EML6: variants seen among roughly 807,000 people sequenced by gnomAD.
The protein encoded by EML6 is echinoderm microtubule-associated protein-like 6.
In EML6, 154 loss-of-function variants were observed where a neutral mutation model predicts 240.1. The ratio of observed to expected loss-of-function variants is 0.64; its 90% CI spans 0.56 to 0.73. The LOEUF (loss-of-function observed/expected upper bound fraction) is 0.73. Among genes scored for constraint, EML6 ranks in the 30% least tolerant of loss-of-function variants. The pLI, the probability that EML6 is intolerant of heterozygous loss-of-function variation, is 0.00. For missense variants in EML6, 2,964 were observed against 2,474.6 expected, an observed-to-expected ratio of 1.20 and a Z score of -4.20; for synonymous variants, 1,148 against 899.0, an observed-to-expected ratio of 1.28 and a Z score of -4.95.
chr2:54,787,887 A>G (rs13000120), intron 2 of EML6, among the ~76,000 whole-genome samples: 32,091 of 151,744 alleles, frequency 0.21, 3,762 homozygotes, highest in Middle Eastern at 0.31. Flanking sequence ...GTTATTTGAA[A>G]CCCGGTTGTA....
At chr2:54,845,364 AC>A (rs1437965504) in intron 8 of EML6, among the ~76,000 whole-genome samples, 1 of 152,196 alleles carries the variant, frequency 6.6e-6, no homozygotes, top group Admixed American at 6.5e-5. Context: ...TGAAACTCAT[AC>A]CCATCCAGAA....
At chr2:54,907,984 GATA>G (rs1249724323) in intron 24 of EML6, among the ~76,000 whole-genome samples, 10 of 131,866 alleles carry the variant, frequency 7.6e-5, no homozygotes, top group Admixed American at 6.2e-4. Context: ...TAGATAGATA[GATA>G]GATAGATAGA....
chr2:54,800,596 A>T (rs1670083275), intron 2 of EML6, among the ~76,000 whole-genome samples: 1 of 152,174 alleles, frequency 6.6e-6, no homozygotes, highest in Admixed American at 6.5e-5. Context: ...GGCACCCTCC[A>T]GCATGGTGAA....
chr2:54,869,581 A>T (rs1671146943), intron 15 of EML6, among the ~76,000 whole-genome samples: 1 of 152,168 alleles, frequency 6.6e-6, no homozygotes, highest in African/African-American at 2.4e-5. Context: ...CTTTTCCTGG[A>T]ATGATGAGAT....
intron 2 of EML6, among the ~76,000 whole-genome samples, chr2:54,791,169 G>C (rs1008083335): frequency 4.6e-5 from 7 of 152,314 alleles, no homozygotes; most frequent in Admixed American, 3.9e-4. Flanking sequence ...AGGACGTGTA[G>C]GGTTTTCAGC....
At chr2:54,863,506 C>T (rs1670793744) in intron 12 of EML6, among the ~76,000 whole-genome samples, 1 of 151,964 alleles carries the variant, frequency 6.6e-6, no homozygotes, top group African/African-American at 2.4e-5. Flanking sequence ...AGGAGACAGA[C>T]CCTGTCTCAA....
intron 17 of EML6, among the ~76,000 whole-genome samples, chr2:54,890,613 G>C (rs1672414256): frequency 6.6e-6 from 1 of 152,120 alleles, no homozygotes; most frequent in Non-Finnish European, 1.5e-5. Context: ...TTAACCCAGA[G>C]CAATGCTTTC....
At position 54,774,591 on chromosome 2, in the gene EML6, AT is replaced by A. The variant is rs1668523194; in HGVS notation, c.198-38640del. On this transcript the variant is annotated intron_variant, in intron 2 of 41. Transcript: ENST00000356458. The surrounding 1 kb of genome is among the most constrained non-coding windows in gnomAD (Gnocchi z 4.1). ...ATCATAGGGTGGTTGTAAGGATCAAATAAAATAAAACATAGAGGTCCTTTTG... is the reference window on the plus strand; with the variant it reads ...ATCATAGGGTGGTTGTAAGGATCAAAAAAATAAAACATAGAGGTCCTTTTG... Among the ~76,000 whole-genome samples, 1 of 152,252 alleles carries A rather than the reference AT, an allele frequency of 6.6e-6. No homozygotes were observed. Among genetic ancestry groups the A allele is most frequent in the African/African-American group, 2.4e-5 (1 of 41,468 alleles).
chr2:54,886,273 C>G (rs532292913), intron 17 of EML6, among the ~76,000 whole-genome samples: 25 of 146,866 alleles, frequency 1.7e-4, no homozygotes, highest in African/African-American at 5.5e-4. Context: ...TCAAGTGATT[C>G]TCCTGTCTCA....
intron 2 of EML6, among the ~76,000 whole-genome samples, chr2:54,796,758 T>G (rs909964264): frequency 7.9e-5 from 12 of 152,216 alleles, no homozygotes; most frequent in Admixed American, 2.6e-4. Context: ...TTGTGTTTCT[T>G]GTGGTAACAT....
intron 2 of EML6, among the ~76,000 whole-genome samples, chr2:54,741,695 T>G (rs192424695): frequency 2.0e-5 from 3 of 152,318 alleles, no homozygotes; most frequent in Admixed American, 2.0e-4. Flanking sequence ...TAAGGGGAGA[T>G]ATTAAAATGA....
intron 11 of EML6, among the ~76,000 whole-genome samples, chr2:54,857,067 G>A (rs551352593): frequency 1.4e-4 from 21 of 152,182 alleles, no homozygotes; most frequent in Admixed American, 5.2e-4. Context: ...TGAGCAGTGG[G>A]TTGAATAGTG....
At chr2:54,795,433 C>T (rs1403205619) in intron 2 of EML6, among the ~76,000 whole-genome samples, 1 of 152,218 alleles carries the variant, frequency 6.6e-6, no homozygotes, top group Non-Finnish European at 1.5e-5. Flanking sequence ...CCTCCTCTGG[C>T]GTATGGGGAT....
chr2:54,944,038 C>T (rs1290534808), intron 28 of EML6, among the ~76,000 whole-genome samples: 2 of 152,140 alleles, frequency 1.3e-5, no homozygotes, highest in African/African-American at 2.4e-5. Flanking sequence ...ACCTCTGCTT[C>T]CTCTTCCAGC....
intron 2 of EML6, among the ~76,000 whole-genome samples, chr2:54,789,418 G>A (rs1384167908): frequency 1.3e-5 from 2 of 148,908 alleles, no homozygotes; most frequent in Admixed American, 6.8e-5. Flanking sequence ...GGAGGCTGAG[G>A]CAGGAGAATG....
intron 2 of EML6, among the ~76,000 whole-genome samples, chr2:54,797,699 CTG>C (rs1382401990): frequency 6.6e-6 from 1 of 151,830 alleles, no homozygotes; most frequent in Non-Finnish European, 1.5e-5. Flanking sequence ...TCTAGTGAGA[CTG>C]TACTGTGGAA....
At chr2:54,775,219 C>T (rs867137744) in intron 2 of EML6, among the ~76,000 whole-genome samples, 7 of 152,136 alleles carry the variant, frequency 4.6e-5, no homozygotes, top group Non-Finnish European at 1.0e-4. Context: ...CCCTTGCTGC[C>T]CAGTGTATTG....
At chr2:54,881,924 A>T (rs1558645150) in intron 17 of EML6, 1 of 152,184 alleles carries the variant, frequency 6.6e-6, no homozygotes, top group Non-Finnish European at 1.5e-5. Flanking sequence ...ATCGCCCAGG[A>T]AGTGAGATTT....
At chr2:54,805,250 T>C (rs183276112) in intron 2 of EML6, among the ~76,000 whole-genome samples, 1 of 152,232 alleles carries the variant, frequency 6.6e-6, no homozygotes, top group Non-Finnish European at 1.5e-5. Context: ...TCTGGCTCTT[T>C]TAAATCTGTG....
Sources: gnomAD v4.1 joint callset for allele counts (sites outside exome capture counted in the v4.1 genomes callset) on GRCh38, gnomAD v4.1.1 for gene constraint, Gnocchi (gnomAD v3.1) non-coding constraint, MANE v1.5 for transcripts, NCBI Gene and HGNC (gene_info 2026-07-23, HGNC 2026-07-21) for gene names.